ASAP2: variants seen among roughly 807,000 people sequenced by gnomAD.
The protein encoded by ASAP2 is ArfGAP with SH3 domain, ankyrin repeat and PH domain 2.
ASAP2 carries 45 observed loss-of-function variants against 131.4 expected under a neutral mutation model. The observed-to-expected ratio is 0.34, with a 90% CI of 0.27 to 0.44. The LOEUF (loss-of-function observed/expected upper bound fraction) is 0.44. ASAP2 is among the 20% of genes least tolerant of loss of function. The pLI is 1.00. For synonymous variants in ASAP2, 510 were observed against 503.0 expected (o/e 1.01, Z -0.19); for missense variants, 1,011 against 1,297.0 (o/e 0.78, Z 3.39).
chr2:9,237,710 G>A (rs932386848), intron 1 of ASAP2, among the ~76,000 whole-genome samples: 5 of 152,046 alleles, frequency 3.3e-5, no homozygotes, highest in Admixed American at 1.3e-4. Context: ...ATGAGCCACC[G>A]TGCCTGGCCT....
intron 22 of ASAP2, 82 bp downstream of exon 22, chr2:9,388,628 A>G: frequency 2.0e-6 from 3 of 1,533,048 alleles, no homozygotes; most frequent in Non-Finnish European, 2.6e-6. Flanking sequence ...CCCTGCCTCC[A>G]ACTCAGTGAC....
rs374752937 is a variant in ASAP2, at chr2:9,211,886, A to G, written c.126+4656A>G. On this transcript the variant is annotated intron_variant, in intron 1 of 27. Transcript: ENST00000281419. ...TTATTGCTGTCTTCAGAAGGACATC[A>G]CCTTCTTGCCCAGAGCATTCATGTT... Among the ~76,000 whole-genome samples, 4 of 152,294 alleles carry G rather than the reference A, an allele frequency of 2.6e-5. No homozygotes were observed. In the East Asian group the frequency reaches 7.7e-4, roughly 29 times the overall value.
chr2:9,294,794 A>G (rs1668051780), intron 2 of ASAP2, among the ~76,000 whole-genome samples: 1 of 152,160 alleles, frequency 6.6e-6, no homozygotes. Flanking sequence ...ATTGCCCAGC[A>G]CCGTGAAGGA....
intron 3 of ASAP2, among the ~76,000 whole-genome samples, chr2:9,300,395 TCTC>T (rs1668410042): frequency 7.2e-6 from 1 of 138,890 alleles, no homozygotes; most frequent in Non-Finnish European, 1.5e-5. Flanking sequence ...AATCCCTCCT[TCTC>T]CTTTATAAAA....
chr2:9,288,158 A>G (rs1056937969), intron 2 of ASAP2, among the ~76,000 whole-genome samples: 2 of 152,182 alleles, frequency 1.3e-5, no homozygotes, highest in African/African-American at 4.8e-5. Flanking sequence ...ACTGTTTGGG[A>G]TGCCCATACC....
Position 9,268,183 on chromosome 2 carries a change from G to T in ASAP2, c.127-11134G>T, listed in dbSNP as rs1011872633. ...TTGTGGGGTAAGTTTGTTCTCTTCC[G>T]TTGCTGTGTAGCATTCTGTTGTACG... On this transcript the variant is annotated intron_variant, in intron 1 of 27. Coordinates refer to ENST00000281419, the MANE Select transcript of ASAP2 (RefSeq NM_003887.3). This position sits in a 1 kb window ranked among gnomAD's most constrained non-coding sequence, Gnocchi z 4.1. 2.6e-5 allele frequency among the ~76,000 whole-genome samples: 4 copies of T among 152,040 alleles called. No homozygotes were observed. The highest frequency in any genetic ancestry group is 2.6e-4 in the Admixed American group (4 of 15,268).
At chr2:9,334,524 A>C (rs76425240) in intron 7 of ASAP2, among the ~76,000 whole-genome samples, 1 of 152,120 alleles carries the variant, frequency 6.6e-6, no homozygotes, top group African/African-American at 2.4e-5. Flanking sequence ...TCAAATACTT[A>C]AGCTTATTGC....
intron 1 of ASAP2, among the ~76,000 whole-genome samples, chr2:9,262,871 G>T (rs1053651224): frequency 6.6e-6 from 1 of 152,188 alleles, no homozygotes; most frequent in African/African-American, 2.4e-5. Flanking sequence ...TCTCTTTCAC[G>T]CGGGGTTCAG....
chr2:9,210,796 T>C (rs891392122), intron 1 of ASAP2, among the ~76,000 whole-genome samples: 2 of 151,956 alleles, frequency 1.3e-5, no homozygotes, highest in South Asian at 2.1e-4. Flanking sequence ...CTCCTGACCT[T>C]GTGATCCGCC....
chr2:9,390,380 G>A (rs1406564551), intron 22 of ASAP2, among the ~76,000 whole-genome samples: 2 of 152,230 alleles, frequency 1.3e-5, no homozygotes, highest in African/African-American at 2.4e-5. Flanking sequence ...CCTAGCCTTT[G>A]CCCTACAGGC....
chr2:9,292,981 G>C (rs62121301), intron 2 of ASAP2, among the ~76,000 whole-genome samples: 18 of 152,334 alleles, frequency 1.2e-4, no homozygotes, highest in African/African-American at 4.3e-4. Flanking sequence ...GTCAAGAGCC[G>C]TATCTACATG....
chr2:9,327,844 G>A lies in ASAP2; in HGVS notation c.619G>A (p.Glu207Lys), dbSNP rs1670578451. Residue 207 changes from glutamate to lysine, a missense_variant, in exon 7 of 28, where the codon GAA becomes AAA. Transcript: ENST00000281419. ...TCAACAGTATCTGCTGAAGGTCAAC[G>A]AAATCAAGATTAAAAAGGGAGTAGA... The part of the protein sequence containing the change: ...QMCEYLLKVN[E>K]IKIKKGVDLL... The A allele has an allele frequency of 3.1e-6, 5 of 1,591,572 alleles. No individual in the cohort carries two copies. Among genetic ancestry groups the A allele is most frequent in the Non-Finnish European group, 4.3e-6 (5 of 1,172,464 alleles).
intron 2 of ASAP2, among the ~76,000 whole-genome samples, chr2:9,283,797 C>T (rs530556094): frequency 6.6e-6 from 1 of 152,332 alleles, no homozygotes; most frequent in East Asian, 1.9e-4. Flanking sequence ...TCCCTGTACC[C>T]TCACATGGCA....
At position 9,350,813 on chromosome 2, in the gene ASAP2, C is replaced by T. The variant is rs746960471; in HGVS notation, c.1029C>T (p.Asn343=). The change falls in exon 12 of 28, where the codon AAC becomes AAT. Residue 343 remains asparagine, a synonymous_variant. Coordinates refer to ENST00000281419, the MANE Select transcript of ASAP2 (RefSeq NM_003887.3). The part of the protein sequence containing the change: ...GFLTISHGTA[N]RPPAKLNLLT... ...TGTTTTTTGCTTTTAAACAGGCTAA[C>T]CGGCCTCCTGCAAAGCTCAACCTGC... 3.8e-5 allele frequency: 61 copies of T among 1,613,242 alleles called. No homozygotes were observed. Among genetic ancestry groups the T allele is most frequent in the Non-Finnish European group, 5.0e-5 (59 of 1,179,586 alleles).
chr2:9,318,481 C>A, intron 3 of ASAP2, 43 bp from the exon 4 acceptor site: 1 of 1,441,464 alleles, frequency 6.9e-7, no homozygotes, highest in Non-Finnish European at 9.7e-7. Flanking sequence ...TTTAGATTCA[C>A]AAGGAAGCTG....
chr2:9,303,253 T>A (rs1668610086), intron 3 of ASAP2, among the ~76,000 whole-genome samples: 1 of 152,358 alleles, frequency 6.6e-6, no homozygotes, highest in East Asian at 1.9e-4. Context: ...CCCCAGTGGC[T>A]TGGGGTACGT....
rs764437665 is a variant in ASAP2, at chr2:9,356,024, T to C, written c.1112-23T>C. ...TATGGATTGCTGTCTGGGCTCACAG[T>C]TGAAATTCCTCTTGCTATGCAGATG... On this transcript the variant is annotated intron_variant, in intron 12 of 27. Coordinates refer to ENST00000281419, the MANE Select transcript of ASAP2 (RefSeq NM_003887.3). 1.9e-6 allele frequency: 3 copies of C among 1,613,858 alleles called. No homozygotes were observed. The Admixed American group carries it at 5.0e-5, about 27-fold the overall frequency.
chr2:9,354,559 C>T (rs184713329), intron 12 of ASAP2, among the ~76,000 whole-genome samples: 2 of 151,834 alleles, frequency 1.3e-5, no homozygotes, highest in East Asian at 3.9e-4. Context: ...ATCGCTTGAG[C>T]CTGGGAGATT....
rs1672286215 is a variant in ASAP2 at position 9,350,868 on chromosome 2, G to T, written c.1084G>T (p.Glu362Ter). 6.2e-7 allele frequency: 1 copy of T among 1,613,330 alleles called. No homozygotes were observed. Among genetic ancestry groups the T allele is most frequent in the Non-Finnish European group, 8.5e-7 (1 of 1,179,508 alleles). The part of the protein sequence containing the change: ...LTCQVKTNPE[E>*]KKCFDLISHD... Reference sequence around the variant, plus strand: ...CTGCCAGGTGAAGACCAACCCTGAGGAGAAGAAGTGCTTTGACCTCATTTC... The same window carrying T: ...CTGCCAGGTGAAGACCAACCCTGAGTAGAAGAAGTGCTTTGACCTCATTTC... Residue 362 changes from glutamate (E) to a stop codon, truncating the protein, a stop_gained, in exon 12 of 28, where the codon GAG (glutamate) becomes TAG (stop). Coordinates refer to ENST00000281419, the MANE Select transcript of ASAP2 (RefSeq NM_003887.3). LOFTEE classifies it high-confidence loss of function.
Sources: gnomAD v4.1 joint callset for allele counts (sites outside exome capture counted in the v4.1 genomes callset) on GRCh38, gnomAD v4.1.1 for gene constraint, Gnocchi (gnomAD v3.1) non-coding constraint, MANE v1.5 for transcripts, NCBI Gene and HGNC (gene_info 2026-07-23, HGNC 2026-07-21) for gene names.